Variants in PCSK5 observed in about 807,000 individuals in gnomAD.
PCSK5 encodes the protein proprotein convertase subtilisin/kexin type 5.
Under a neutral mutation model 233.2 loss-of-function variants are expected in PCSK5, and 129 were observed. The observed-to-expected ratio is 0.55, with a 90% CI of 0.48 to 0.64. PCSK5 has a LOEUF of 0.64. PCSK5 is among the 30% of genes least tolerant of loss of function. The probability of loss-of-function intolerance (pLI) is 0.00; values close to 1 mark genes in which losing one functional copy is unlikely to be tolerated. For synonymous variants in PCSK5, 825 were observed against 879.2 expected (o/e 0.94, Z 1.09); for missense variants, 2,076 against 2,430.1 (o/e 0.85, Z 3.06).
intron 3 of PCSK5, among the ~76,000 whole-genome samples, chr9:76,007,796 T>TGTG (rs1827542652): frequency 3.1e-5 from 4 of 128,224 alleles, no homozygotes; most frequent in Non-Finnish European, 1.6e-5. Context: ...CCGGCTAATT[T>TGTG]TGTGTGTGTG....
At chr9:76,326,940 A>T (rs1205668905) in intron 32 of PCSK5, among the ~76,000 whole-genome samples, 4 of 152,136 alleles carry the variant, frequency 2.6e-5, no homozygotes, top group African/African-American at 7.2e-5. Flanking sequence ...GGAGAAGAGA[A>T]TTGCAGGCAG....
At chr9:76,221,039 G>A (rs1825714235) in intron 20 of PCSK5, among the ~76,000 whole-genome samples, 1 of 152,118 alleles carries the variant, frequency 6.6e-6, no homozygotes, top group African/African-American at 2.4e-5. Context: ...CCTCAACCAA[G>A]TTAATTCATT....
At chr9:76,270,413 G>A (rs1232514954) in intron 24 of PCSK5, among the ~76,000 whole-genome samples, 2 of 152,090 alleles carry the variant, frequency 1.3e-5, no homozygotes, top group East Asian at 1.9e-4. Flanking sequence ...TATTATTTTG[G>A]TGGGACTGAA....
intron 24 of PCSK5, among the ~76,000 whole-genome samples, chr9:76,264,310 A>G (rs1382330972): frequency 3.3e-5 from 5 of 152,234 alleles, no homozygotes; most frequent in Non-Finnish European, 7.3e-5. Context: ...AATTAACTCA[A>G]GATGGATTAA....
intron 24 of PCSK5, among the ~76,000 whole-genome samples, chr9:76,268,687 A>G (rs1287937187): frequency 6.6e-6 from 1 of 152,120 alleles, no homozygotes; most frequent in African/African-American, 2.4e-5. Context: ...CTACAAAAAA[A>G]TACAAAAACT....
chr9:76,206,628 C>T (rs1030117966), intron 20 of PCSK5, among the ~76,000 whole-genome samples: 1 of 152,236 alleles, frequency 6.6e-6, no homozygotes, highest in Non-Finnish European at 1.5e-5. Flanking sequence ...GCCCACCTCA[C>T]AGAGCGCAAA....
At chr9:76,264,801 C>A (rs1244927643) in intron 24 of PCSK5, among the ~76,000 whole-genome samples, 2 of 152,144 alleles carry the variant, frequency 1.3e-5, no homozygotes, top group African/African-American at 4.8e-5. Context: ...AGTTCAGCCA[C>A]TGTGGAAGGC....
chr9:75,993,135 A>G (rs185846614), intron 3 of PCSK5, among the ~76,000 whole-genome samples: 1 of 152,208 alleles, frequency 6.6e-6, no homozygotes, highest in Admixed American at 6.5e-5. Flanking sequence ...GGCAGCTTGG[A>G]AATCGACCTT....
chr9:76,319,089 T>A (rs972224063), intron 30 of PCSK5, among the ~76,000 whole-genome samples: 1 of 152,176 alleles, frequency 6.6e-6, no homozygotes, highest in Non-Finnish European at 1.5e-5. Flanking sequence ...GAGTTCCTGA[T>A]GACATGTGCC....
At chr9:76,123,267 G>T (rs902556259) in intron 9 of PCSK5, among the ~76,000 whole-genome samples, 2 of 152,018 alleles carry the variant, frequency 1.3e-5, no homozygotes, top group Non-Finnish European at 2.9e-5. Flanking sequence ...AAGTGTTTTT[G>T]AATCTAAAAC....
chr9:76,152,830 G>C (rs985784932), intron 10 of PCSK5, among the ~76,000 whole-genome samples: 2 of 152,078 alleles, frequency 1.3e-5, no homozygotes, highest in Non-Finnish European at 2.9e-5. Context: ...AAGCTGTTAC[G>C]TATATTAACT....
chr9:76,343,423 G>A (rs1249930550), intron 35 of PCSK5, among the ~76,000 whole-genome samples: 1 of 150,602 alleles, frequency 6.6e-6, no homozygotes, highest in Non-Finnish European at 1.5e-5. Context: ...GGCTGATCTT[G>A]AACTCCTGAC....
At chr9:76,147,557 G>A (rs1049798686) in intron 10 of PCSK5, among the ~76,000 whole-genome samples, 1 of 151,704 alleles carries the variant, frequency 6.6e-6, no homozygotes, top group Non-Finnish European at 1.5e-5. Flanking sequence ...CACATTCTGG[G>A]CCTTACCTCA....
chr9:75,954,447 A>G (rs1435976143), intron 2 of PCSK5, among the ~76,000 whole-genome samples: 6 of 152,134 alleles, frequency 3.9e-5, no homozygotes, highest in Admixed American at 3.9e-4. Flanking sequence ...GAGGAAACTG[A>G]TGAGGCACCC....
At chr9:76,205,795 G>A (rs1409686284) in intron 20 of PCSK5, among the ~76,000 whole-genome samples, 2 of 152,128 alleles carry the variant, frequency 1.3e-5, no homozygotes, top group East Asian at 3.9e-4. Flanking sequence ...CACTCTCCAG[G>A]TAATCGGCAG....
intron 24 of PCSK5, among the ~76,000 whole-genome samples, chr9:76,279,523 C>T (rs201748832): frequency 1.6e-4 from 24 of 152,042 alleles, no homozygotes; most frequent in East Asian, 1.6e-3. Flanking sequence ...GTTTACAGTC[C>T]CACCAACAGT....
At chr9:76,031,215 G>A (rs933054314) in intron 5 of PCSK5, among the ~76,000 whole-genome samples, 9 of 152,128 alleles carry the variant, frequency 5.9e-5, no homozygotes, top group African/African-American at 2.2e-4. Flanking sequence ...CTTTAAGCAT[G>A]AATCCACAGA....
intron 2 of PCSK5, among the ~76,000 whole-genome samples, chr9:75,964,353 C>A (rs1248250529): frequency 1.3e-5 from 2 of 152,080 alleles, no homozygotes; most frequent in Non-Finnish European, 2.9e-5. Flanking sequence ...TTTTTTCACT[C>A]AAGACAGTGA....
chr9:76,265,073 G>A (rs1052852219), intron 24 of PCSK5, among the ~76,000 whole-genome samples: 1 of 152,064 alleles, frequency 6.6e-6, no homozygotes, highest in Admixed American at 6.6e-5. Flanking sequence ...CTACTATGCA[G>A]CCATAAAAAA....
Sources: allele counts gnomAD v4.1 joint callset (sites outside exome capture counted in the v4.1 genomes callset), GRCh38; gene constraint gnomAD v4.1.1; transcripts MANE v1.5; gene names NCBI Gene and HGNC (gene_info 2026-07-23, HGNC 2026-07-21).